CDK19: variants seen among roughly 807,000 people sequenced by gnomAD.
CDK19 encodes the protein cyclin dependent kinase 19, also known as cyclin-dependent kinase 19.
Under a neutral mutation model 68.3 loss-of-function variants are expected in CDK19, and 20 were observed. The ratio of observed to expected loss-of-function variants is 0.29; its 90% CI spans 0.21 to 0.43. CDK19 has a LOEUF of 0.43. Ranked by LOEUF, CDK19 falls within the 20% of genes least tolerant of loss-of-function variation. The pLI, the probability that CDK19 is intolerant of heterozygous loss-of-function variation, is 1.00. For synonymous variants in CDK19, 221 were observed against 222.8 expected, an observed-to-expected ratio of 0.99 and a Z score of 0.07; for missense variants, 339 against 623.5, an observed-to-expected ratio of 0.54 and a Z score of 4.86.
chr6:110,748,965 G>T (rs745776573), intron 1 of CDK19, among the ~76,000 whole-genome samples: 14 of 152,222 alleles, frequency 9.2e-5, no homozygotes, highest in Non-Finnish European at 1.6e-4. Context: ...AGGCAGCTTA[G>T]TTCCTCCTTA....
chr6:110,644,508 AAG>A (rs1780420270), intron 4 of CDK19, among the ~76,000 whole-genome samples: 1 of 152,150 alleles, frequency 6.6e-6, no homozygotes, highest in Admixed American at 6.5e-5. Context: ...AAATAACTAA[AAG>A]AGTATAATTG....
chr6:110,668,977 T>C (rs370099142), intron 3 of CDK19, among the ~76,000 whole-genome samples: 2 of 152,250 alleles, frequency 1.3e-5, no homozygotes, highest in African/African-American at 2.4e-5. Context: ...TTTATGATTA[T>C]ATTTATTTTG....
intron 1 of CDK19, among the ~76,000 whole-genome samples, chr6:110,766,368 G>T (rs754545547): frequency 3.3e-5 from 5 of 151,346 alleles, no homozygotes; most frequent in Non-Finnish European, 5.9e-5. Context: ...TGACATCAGG[G>T]GTGCAGGACC....
intron 5 of CDK19, among the ~76,000 whole-genome samples, chr6:110,634,456 G>A (rs13216790): frequency 0.1 from 15,587 of 152,246 alleles, 1,162 homozygotes; most frequent in Admixed American, 0.25. Context: ...GACCTCAAGT[G>A]ATCTGCCTGC....
intron 1 of CDK19, chr6:110,773,824 C>T (rs1388867493): frequency 6.6e-6 from 1 of 152,114 alleles, no homozygotes; most frequent in Non-Finnish European, 1.5e-5. Context: ...CTGTCACATA[C>T]CCACCCCAGC....
intron 4 of CDK19, among the ~76,000 whole-genome samples, chr6:110,640,769 G>A (rs986235718): frequency 3.9e-5 from 6 of 152,056 alleles, no homozygotes; most frequent in African/African-American, 1.4e-4. Context: ...TAAGCAACCT[G>A]AAGAGACCCT....
intron 1 of CDK19, among the ~76,000 whole-genome samples, chr6:110,763,799 A>G (rs1392662021): frequency 6.6e-6 from 1 of 152,202 alleles, no homozygotes; most frequent in Admixed American, 6.6e-5. Flanking sequence ...TACAGATTGG[A>G]AAGGCAAAAA....
In CDK19 at chr6:110,788,455, G is replaced by A. The variant is rs138941369; in HGVS notation, c.128+26554C>T. On this transcript the variant is annotated intron_variant, in intron 1 of 12. Transcript: ENST00000368911. ...TTCTAGGCATGAGCCACCACATCCA[G>A]CCTATCCTGACAATTTTAAAGCCAT... Among the ~76,000 whole-genome samples the A allele has an allele frequency of 3.3e-3, 503 of 152,106 alleles. 2 individuals carry two copies. The highest frequency in any genetic ancestry group is 0.011 in the African/African-American group (467 of 41,500).
chr6:110,637,748 G>C (rs185848991), intron 5 of CDK19, among the ~76,000 whole-genome samples: 3 of 152,364 alleles, frequency 2.0e-5, no homozygotes, highest in East Asian at 3.9e-4. Flanking sequence ...GGGAAGCCAA[G>C]GCAGGCAGAT....
chr6:110,661,226 GT>G (rs1201827785), intron 4 of CDK19, among the ~76,000 whole-genome samples: 2 of 152,170 alleles, frequency 1.3e-5, no homozygotes, highest in Non-Finnish European at 2.9e-5. Context: ...CTTTAGGATG[GT>G]GCAAAAGCAA....
At chr6:110,734,079 G>C (rs1385723669) in intron 2 of CDK19, among the ~76,000 whole-genome samples, 1 of 151,856 alleles carries the variant, frequency 6.6e-6, no homozygotes, top group Non-Finnish European at 1.5e-5. Flanking sequence ...GGAGGACAGG[G>C]GCTCACTGCA....
chr6:110,689,144 C>G (rs994332507), intron 2 of CDK19, among the ~76,000 whole-genome samples: 5 of 152,152 alleles, frequency 3.3e-5, no homozygotes, highest in Non-Finnish European at 7.3e-5. Context: ...ACTCCCCACT[C>G]CCTGCATGAA....
At chr6:110,703,533 TTGAA>T (rs1467504054) in intron 2 of CDK19, among the ~76,000 whole-genome samples, 26 of 152,172 alleles carry the variant, frequency 1.7e-4, no homozygotes, top group Non-Finnish European at 1.3e-4. Flanking sequence ...ATACACTGAT[TTGAA>T]TGAAACTGAA....
chr6:110,661,608 C>T (rs765704628), intron 4 of CDK19, among the ~76,000 whole-genome samples: 2 of 152,174 alleles, frequency 1.3e-5, no homozygotes, highest in African/African-American at 2.4e-5. Flanking sequence ...TGCCACCCTA[C>T]CCAGTTTGCA....
At chr6:110,643,235 G>C in intron 4 of CDK19, 1 of 1,268,038 alleles carries the variant, frequency 7.9e-7, no homozygotes, top group Non-Finnish European at 1.0e-6. Flanking sequence ...CCAGCTAAAA[G>C]ACACAGGTAT....
At chr6:110,811,701 A>G (rs1020826164) in intron 1 of CDK19, among the ~76,000 whole-genome samples, 3 of 152,168 alleles carry the variant, frequency 2.0e-5, no homozygotes, top group Non-Finnish European at 4.4e-5. Flanking sequence ...TGCTTGTATT[A>G]AAAAGTTCAG....
intron 1 of CDK19, among the ~76,000 whole-genome samples, chr6:110,804,092 A>C (rs1782513348): frequency 6.6e-6 from 1 of 151,874 alleles, no homozygotes; most frequent in Non-Finnish European, 1.5e-5. Context: ...AATATCTACA[A>C]ATATCAGCAA....
At chr6:110,714,941 C>T (rs1775258091) in intron 2 of CDK19, among the ~76,000 whole-genome samples, 1 of 151,924 alleles carries the variant, frequency 6.6e-6, no homozygotes. Flanking sequence ...ACCATGTTGT[C>T]CAGGCTGGTC....
chr6:110,616,723 T>C (rs994826616), intron 12 of CDK19, among the ~76,000 whole-genome samples: 1 of 151,900 alleles, frequency 6.6e-6, no homozygotes, highest in African/African-American at 2.4e-5. Flanking sequence ...GTTGCACAAC[T>C]GAATAGTCAC....
Sources: allele counts gnomAD v4.1 joint callset (sites outside exome capture counted in the v4.1 genomes callset), GRCh38; gene constraint gnomAD v4.1.1; transcripts MANE v1.5; gene names NCBI Gene and HGNC (gene_info 2026-07-23, HGNC 2026-07-21).